Variants in KLHL29 observed in about 807,000 individuals in gnomAD.
KLHL29 encodes the protein kelch-like protein 29.
Under a neutral mutation model 80.4 loss-of-function variants are expected in KLHL29, and 21 were observed. That is an observed-to-expected ratio of 0.26 (90% CI 0.19 to 0.38). The LOEUF is 0.38. Ranked by LOEUF, KLHL29 falls within the 10% of genes least tolerant of loss-of-function variation. KLHL29 has a pLI of 1.00. For synonymous variants in KLHL29, 511 were observed against 526.8 expected (o/e 0.97, Z 0.41); for missense variants, 867 against 1,223.9 (o/e 0.71, Z 4.35).
chr2:23,446,635 C>A (rs1663696501), intron 1 of KLHL29, among the ~76,000 whole-genome samples: 1 of 152,240 alleles, frequency 6.6e-6, no homozygotes, highest in South Asian at 2.1e-4. Flanking sequence ...AGTGACAGGT[C>A]ATGGCCTTGT....
Position 23,602,638 on chromosome 2 carries a change from G to A in KLHL29, c.286-36501G>A, listed in dbSNP as rs375447733. Among the ~76,000 whole-genome samples the A allele has an allele frequency of 1.4e-3, 202 of 145,542 alleles. 1 individual carries two copies. Among genetic ancestry groups the A allele is most frequent in the African/African-American group, 4.7e-3 (184 of 39,514 alleles). Reference sequence around the variant, plus strand: ...ATTTTTTTTTTTTTTTTTTTTTAAGGAACAAGGTCTTGCTGTGTTGCCCAG... The same window carrying A: ...ATTTTTTTTTTTTTTTTTTTTTAAGAAACAAGGTCTTGCTGTGTTGCCCAG... On this transcript the variant is annotated intron_variant, in intron 3 of 13. Coordinates refer to ENST00000486442, the MANE Select transcript of KLHL29 (RefSeq NM_052920.2).
intron 1 of KLHL29, among the ~76,000 whole-genome samples, chr2:23,459,128 G>A (rs139581574): frequency 6.2e-4 from 94 of 152,288 alleles, no homozygotes; most frequent in African/African-American, 2.3e-3. Flanking sequence ...CTAGGTATCA[G>A]GGTTGTGCCT....
At chr2:23,572,145 C>T (rs564583836) in intron 3 of KLHL29, among the ~76,000 whole-genome samples, 1 of 152,354 alleles carries the variant, frequency 6.6e-6, no homozygotes, top group African/African-American at 2.4e-5. Context: ...GGGAAATCCA[C>T]TAACACACTG....
At chr2:23,390,116 G>C (rs1285763505) in intron 1 of KLHL29, among the ~76,000 whole-genome samples, 2 of 152,160 alleles carry the variant, frequency 1.3e-5, no homozygotes, top group African/African-American at 4.8e-5. Context: ...TTTCTTCAAG[G>C]AAACCACTTG....
intron 1 of KLHL29, among the ~76,000 whole-genome samples, chr2:23,467,034 C>T (rs1664372503): frequency 6.6e-6 from 1 of 152,182 alleles, no homozygotes. Flanking sequence ...GAGCTTGTCA[C>T]TCACCCTCTC....
chr2:23,388,741 A>T (rs139572287), intron 1 of KLHL29, among the ~76,000 whole-genome samples: 1 of 152,264 alleles, frequency 6.6e-6, no homozygotes, highest in Non-Finnish European at 1.5e-5. Flanking sequence ...TCCCAGCTAC[A>T]TACAGATATA....
intron 1 of KLHL29, among the ~76,000 whole-genome samples, chr2:23,415,712 T>A (rs1257808793): frequency 1.3e-5 from 2 of 152,084 alleles, no homozygotes; most frequent in Non-Finnish European, 2.9e-5. Context: ...TTTATTTTTT[T>A]TTTTGACATA....
Position 23,385,216 on chromosome 2 carries a change from T to C in KLHL29, c.-718T>C, listed in dbSNP as rs1328905779. 6.7e-6 allele frequency: 1 copy of C among 148,596 alleles called. No individual in the cohort carries two copies. The highest frequency in any genetic ancestry group is 1.5e-5 in the Non-Finnish European group (1 of 66,636). The allele number at this position is 148,596 out of a possible 1,614,324, so 9.2% of individuals were successfully genotyped here. Reference sequence around the variant, plus strand: ...GAGCGGAGCGAGCCAGAAGGGAGCATGGTCCCCGCGCCGCGGCCGCGCCAG... The same window carrying C: ...GAGCGGAGCGAGCCAGAAGGGAGCACGGTCCCCGCGCCGCGGCCGCGCCAG... On this transcript the variant is annotated 5_prime_UTR_variant, in exon 1 of 14. It removes an upstream start codon present in the reference 5' UTR. Coordinates refer to ENST00000486442, the MANE Select transcript of KLHL29 (RefSeq NM_052920.2).
intron 1 of KLHL29, among the ~76,000 whole-genome samples, chr2:23,452,776 G>T (rs1199723716): frequency 6.6e-6 from 1 of 152,130 alleles, no homozygotes; most frequent in Admixed American, 6.5e-5. Context: ...ATAAAATAAA[G>T]AAAAATGTAT....
At chr2:23,581,881 T>G (rs1667993659) in intron 3 of KLHL29, among the ~76,000 whole-genome samples, 1 of 150,998 alleles carries the variant, frequency 6.6e-6, no homozygotes, top group Admixed American at 6.6e-5. Flanking sequence ...TTGTGCCGTT[T>G]TTAAGTGCTG....
intron 2 of KLHL29, among the ~76,000 whole-genome samples, chr2:23,502,296 G>A (rs976280338): frequency 5.9e-5 from 9 of 152,230 alleles, no homozygotes; most frequent in African/African-American, 1.9e-4. Context: ...GCGAGAGAGA[G>A]GCCTACTCAT....
chr2:23,654,696 T>TGGGG (rs796647247), intron 5 of KLHL29, among the ~76,000 whole-genome samples: 4 of 65,650 alleles, frequency 6.1e-5, no homozygotes, highest in Non-Finnish European at 1.5e-4. Context: ...GAACAGAGGT[T>TGGGG]GGGGGGGGGG....
At chr2:23,539,505 G>A (rs1666775379) in intron 2 of KLHL29, among the ~76,000 whole-genome samples, 1 of 129,088 alleles carries the variant, frequency 7.7e-6, no homozygotes, top group Non-Finnish European at 1.5e-5. Context: ...GCAGTGATGT[G>A]ATCTTGGCTC....
chr2:23,396,318 C>T (rs1012384454), intron 1 of KLHL29, among the ~76,000 whole-genome samples: 2 of 152,194 alleles, frequency 1.3e-5, no homozygotes, highest in Admixed American at 6.5e-5. Flanking sequence ...TTGGGACCCT[C>T]GTAGCCACCC....
chr2:23,506,742 G>A (rs1665610376), intron 2 of KLHL29, among the ~76,000 whole-genome samples: 1 of 152,248 alleles, frequency 6.6e-6, no homozygotes, highest in African/African-American at 2.4e-5. Flanking sequence ...AGGAACCACC[G>A]GCTCTTCCTT....
chr2:23,696,591 C>G lies in KLHL29; in HGVS notation c.2105+78C>G. ...AAATCACGTCACTCACTGTACCTCC[C>G]AACACCCACTCAGTGGCGATGGAGC... On this transcript the variant is annotated intron_variant, in intron 11 of 13. Transcript: ENST00000486442. This position sits in a 1 kb window ranked among gnomAD's most constrained non-coding sequence, Gnocchi z 5.5. 16 of 1,162,764 alleles carry G rather than the reference C, an allele frequency of 1.4e-5. No homozygotes were observed. The highest frequency in any genetic ancestry group is 1.9e-5 in the Non-Finnish European group (16 of 831,578). The allele number at this position is 1,162,764 out of a possible 1,614,324, so 72.0% of individuals were successfully genotyped here. A position where few individuals can be genotyped will look rare whatever the true frequency, so the allele number is the denominator to read the frequency against.
intron 5 of KLHL29, among the ~76,000 whole-genome samples, chr2:23,650,119 A>G (rs1670049871): frequency 6.6e-6 from 1 of 152,208 alleles, no homozygotes; most frequent in Non-Finnish European, 1.5e-5. Flanking sequence ...GCCTGTGGCC[A>G]TGTCAGGCCC....
chr2:23,411,762 A>C (rs1287094250), intron 1 of KLHL29, among the ~76,000 whole-genome samples: 2 of 152,082 alleles, frequency 1.3e-5, no homozygotes, highest in East Asian at 3.9e-4. Context: ...AGTAGCATTG[A>C]AAGATTGGTT....
intron 2 of KLHL29, among the ~76,000 whole-genome samples, chr2:23,481,600 A>T (rs146567352): frequency 6.8e-4 from 104 of 152,266 alleles, no homozygotes; most frequent in African/African-American, 2.4e-3. Context: ...TTCTGCCAAG[A>T]GCCCTCCAAG....
Sources: allele counts gnomAD v4.1 joint callset (sites outside exome capture counted in the v4.1 genomes callset), GRCh38; gene constraint gnomAD v4.1.1; non-coding constraint Gnocchi (gnomAD v3.1); transcripts MANE v1.5; gene names NCBI Gene and HGNC (gene_info 2026-07-23, HGNC 2026-07-21).